The following XYLT1 variants were observed in gnomAD, a reference collection of about 807,000 sequenced individuals.
The protein encoded by XYLT1 is xylosyltransferase 1, also known as beta-D-xylosyltransferase 1.
In XYLT1, 36 loss-of-function variants were observed where a neutral mutation model predicts 91.3. The ratio of observed to expected loss-of-function variants is 0.39; its 90% CI spans 0.30 to 0.52. The LOEUF is 0.52. Ranked by LOEUF, XYLT1 falls within the 20% of genes least tolerant of loss-of-function variation. The pLI, the probability that XYLT1 is intolerant of heterozygous loss-of-function variation, is 0.68. For synonymous variants in XYLT1, 588 were observed against 532.0 expected (o/e 1.11, Z -1.45); for missense variants, 1,242 against 1,284.5 (o/e 0.97, Z 0.51).
At chr16:17,337,901 C>T (rs1351929614) in intron 2 of XYLT1, among the ~76,000 whole-genome samples, 2 of 151,756 alleles carry the variant, frequency 1.3e-5, no homozygotes, top group Non-Finnish European at 2.9e-5. Flanking sequence ...CTCAGCCTCC[C>T]GAGTAGCTGT....
At chr16:17,290,361 T>C (rs2034203692) in intron 2 of XYLT1, among the ~76,000 whole-genome samples, 1 of 152,266 alleles carries the variant, frequency 6.6e-6, no homozygotes, top group Non-Finnish European at 1.5e-5. Context: ...TCATGTTTCA[T>C]TACGGTTAAA....
chr16:17,226,237 G>A (rs903916792), intron 3 of XYLT1, among the ~76,000 whole-genome samples: 4 of 152,212 alleles, frequency 2.6e-5, no homozygotes, highest in African/African-American at 9.6e-5. Flanking sequence ...TGCAGCTTGT[G>A]ACTCTGAGCA....
At chr16:17,166,012 T>C (rs1458446605) in intron 5 of XYLT1, among the ~76,000 whole-genome samples, 1 of 152,072 alleles carries the variant, frequency 6.6e-6, no homozygotes, top group Non-Finnish European at 1.5e-5. Context: ...AAGAAGGAAA[T>C]TGCAAAGGTG....
intron 8 of XYLT1, chr16:17,137,753 TCCCACAGAACACAGTG>T (rs2030795693): frequency 6.7e-6 from 1 of 148,434 alleles, no homozygotes; most frequent in Admixed American, 6.6e-5. Flanking sequence ...CACAGTGTTT[TCCCACAGAACACAGTG>T]GTTTCCAAAC....
chr16:17,161,022 A>C (rs2031536508), intron 5 of XYLT1, among the ~76,000 whole-genome samples: 3 of 152,098 alleles, frequency 2.0e-5, no homozygotes, highest in Admixed American at 1.3e-4. Context: ...TTGGAATAAT[A>C]AATAAGGTCT....
intron 5 of XYLT1, among the ~76,000 whole-genome samples, chr16:17,173,535 G>T (rs1170543969): frequency 1.3e-5 from 2 of 152,256 alleles, no homozygotes; most frequent in South Asian, 2.1e-4. Context: ...CCTCAGTTGA[G>T]CAAGGCTTGG....
chr16:17,320,482 CT>C lies in XYLT1; in HGVS notation c.402+37529del, dbSNP rs11430162. Reference sequence around the variant, plus strand: ...TAGCTGTGTGACCTTGGAAAAGTTTCTTTTTTTTTTTTTTTTGAGACTGAGT... The same window carrying C: ...TAGCTGTGTGACCTTGGAAAAGTTTCTTTTTTTTTTTTTTTGAGACTGAGT... On this transcript the variant is annotated intron_variant, in intron 2 of 11. Transcript: ENST00000261381. 6.6e-3 allele frequency among the ~76,000 whole-genome samples: 883 copies of C among 134,406 alleles called. 11 individuals are homozygous for C. The highest frequency in any genetic ancestry group is 0.019 in the African/African-American group (667 of 35,692). The allele number at this position is 134,406 out of a possible 152,430, so 88.2% of individuals were successfully genotyped here. A position where few individuals can be genotyped will look rare whatever the true frequency, so the allele number is the denominator to read the frequency against.
chr16:17,177,328 G>A (rs2031967652), intron 5 of XYLT1, among the ~76,000 whole-genome samples: 2 of 152,160 alleles, frequency 1.3e-5, no homozygotes, highest in Non-Finnish European at 2.9e-5. Flanking sequence ...GTTATGGGAT[G>A]GGTACTTCTC....
At chr16:17,115,640 G>A (rs1261199760) in intron 11 of XYLT1, among the ~76,000 whole-genome samples, 1 of 151,170 alleles carries the variant, frequency 6.6e-6, no homozygotes, top group Non-Finnish European at 1.5e-5. Context: ...CACCACACTC[G>A]GCTAATTTTT....
chr16:17,421,197 T>C (rs1223849188), intron 1 of XYLT1, among the ~76,000 whole-genome samples: 1 of 152,230 alleles, frequency 6.6e-6, no homozygotes, highest in Non-Finnish European at 1.5e-5. Context: ...GCCTGTGCTT[T>C]GTCTGTCATT....
chr16:17,197,214 C>T (rs1032267413), intron 5 of XYLT1, among the ~76,000 whole-genome samples: 4 of 151,828 alleles, frequency 2.6e-5, no homozygotes, highest in East Asian at 1.9e-4. Flanking sequence ...TGCTGTTCCT[C>T]GCACAGGCCA....
At chr16:17,135,470 C>T (rs2030025) in intron 8 of XYLT1, among the ~76,000 whole-genome samples, 39,071 of 150,984 alleles carry the variant, frequency 0.26, 5,612 homozygotes, top group East Asian at 0.58. Context: ...TGCAGTGAGC[C>T]GAGACTGCCG....
chr16:17,262,327 G>A (rs1482048363), intron 2 of XYLT1, among the ~76,000 whole-genome samples: 2 of 152,198 alleles, frequency 1.3e-5, no homozygotes, highest in Non-Finnish European at 2.9e-5. Flanking sequence ...TGGAAAATAA[G>A]GTTGGGGATG....
chr16:17,191,868 A>C (rs2032317013), intron 5 of XYLT1, among the ~76,000 whole-genome samples: 1 of 152,210 alleles, frequency 6.6e-6, no homozygotes, highest in African/African-American at 2.4e-5. Flanking sequence ...GTGGATACCC[A>C]AGAGGCAGAA....
rs114818688 is a variant in XYLT1 at position 17,374,432 on chromosome 16, A to G, written c.364-16382T>C. On this transcript the variant is annotated intron_variant, in intron 1 of 11. Transcript: ENST00000261381. ...AGCCTTCACTCCTACTCCCTAGATT[A>G]TAATATTTGGCTTTTACATAATCAG... Among the ~76,000 whole-genome samples, 901 of 152,308 alleles carry G rather than the reference A, an allele frequency of 5.9e-3. 15 individuals are homozygous for G. Among genetic ancestry groups the G allele is most frequent in the African/African-American group, 0.021 (857 of 41,562 alleles).
intron 1 of XYLT1, among the ~76,000 whole-genome samples, chr16:17,362,054 G>A (rs2035390379): frequency 6.6e-6 from 1 of 152,322 alleles, no homozygotes; most frequent in Non-Finnish European, 1.5e-5. Flanking sequence ...CACAGATGCT[G>A]TTGAAAGCCT....
At chr16:17,461,738 A>G (rs929850357) in intron 1 of XYLT1, among the ~76,000 whole-genome samples, 17 of 152,196 alleles carry the variant, frequency 1.1e-4, no homozygotes, top group African/African-American at 4.1e-4. Context: ...CAACGGACTT[A>G]CTGACTCTGA....
intron 2 of XYLT1, among the ~76,000 whole-genome samples, chr16:17,337,007 A>T (rs1046768362): frequency 3.9e-5 from 6 of 152,212 alleles, no homozygotes; most frequent in African/African-American, 1.4e-4. Context: ...GTAAGATCGT[A>T]TGTAACCCCA....
chr16:17,298,200 C>T (rs1040319695), intron 2 of XYLT1, among the ~76,000 whole-genome samples: 2 of 152,054 alleles, frequency 1.3e-5, no homozygotes, highest in Non-Finnish European at 2.9e-5. Flanking sequence ...AAAATCGGTT[C>T]CGTCAGGTGA....
Sources: allele counts gnomAD v4.1 joint callset (sites outside exome capture counted in the v4.1 genomes callset), GRCh38; gene constraint gnomAD v4.1.1; transcripts MANE v1.5; gene names NCBI Gene and HGNC (gene_info 2026-07-23, HGNC 2026-07-21).